Variants in PRR16 observed in about 807,000 individuals in gnomAD.
The protein encoded by PRR16 is protein Largen.
PRR16 carries 6 observed loss-of-function variants against 18.2 expected under a neutral mutation model. That is an observed-to-expected ratio of 0.33 (90% CI 0.18 to 0.65). The LOEUF (loss-of-function observed/expected upper bound fraction) is 0.65. Among genes scored for constraint, PRR16 ranks in the 30% least tolerant of loss-of-function variants. The pLI is 0.74. For missense variants in PRR16, 412 were observed against 376.6 expected (o/e 1.09, Z -0.78); for synonymous variants, 151 against 147.8 (o/e 1.02, Z -0.16).
chr5:120,704,281 G>A, the PRR16 span, among the ~76,000 whole-genome samples: 3 of 152,126 alleles, frequency 2.0e-5, no homozygotes, highest in Non-Finnish European at 2.9e-5. Flanking sequence ...AATGGGCAGC[G>A]ATGGATGGAG....
chr5:120,480,146 G>C (rs368248499), intron 1 of PRR16, among the ~76,000 whole-genome samples: 8 of 152,114 alleles, frequency 5.3e-5, no homozygotes, highest in African/African-American at 1.7e-4. Flanking sequence ...ACAGCAGTAC[G>C]AGCCTGTAAT....
intron 1 of PRR16, among the ~76,000 whole-genome samples, chr5:120,576,751 T>G (rs1753091494): frequency 6.6e-6 from 1 of 152,078 alleles, no homozygotes; most frequent in Non-Finnish European, 1.5e-5. Context: ...GCTTTCAGAC[T>G]GGAATTTACA....
At chr5:120,768,409 A>G in the PRR16 span, among the ~76,000 whole-genome samples, 23 of 151,360 alleles carry the variant, frequency 1.5e-4, no homozygotes, top group East Asian at 4.5e-3. Flanking sequence ...TTAAGCAATG[A>G]TTTTTTTACC....
intron 1 of PRR16, among the ~76,000 whole-genome samples, chr5:120,674,745 A>G (rs1335402098): frequency 1.3e-5 from 2 of 151,452 alleles, no homozygotes; most frequent in Non-Finnish European, 3.0e-5. Context: ...TGTTTCTGGA[A>G]CTCCTTAATC....
At chr5:120,771,390 A>G in the PRR16 span, among the ~76,000 whole-genome samples, 1 of 152,092 alleles carries the variant, frequency 6.6e-6, no homozygotes, top group Non-Finnish European at 1.5e-5. Flanking sequence ...GCCAGAGAAT[A>G]GCCTAAGAGA....
chr5:120,691,099 T>TTAA (rs780073781), downstream of PRR16, among the ~76,000 whole-genome samples: 1 of 152,152 alleles, frequency 6.6e-6, no homozygotes, highest in East Asian at 1.9e-4. Context: ...GTACACTTAT[T>TTAA]TAAAAATGTA....
chr5:120,465,579 C>CGG (rs1554075525), intron 1 of PRR16: 1 of 152,152 alleles, frequency 6.6e-6, no homozygotes, highest in Non-Finnish European at 1.5e-5. Context: ...GCGGCGGCTC[C>CGG]GGGCGGGGGC....
At chr5:120,771,660 G>C in the PRR16 span, among the ~76,000 whole-genome samples, 3 of 152,016 alleles carry the variant, frequency 2.0e-5, no homozygotes, top group Non-Finnish European at 4.4e-5. Flanking sequence ...TGGTGAATGA[G>C]GGAGGGGAAG....
At chr5:120,580,435 C>T (rs1259062593) in intron 1 of PRR16, among the ~76,000 whole-genome samples, 1 of 147,226 alleles carries the variant, frequency 6.8e-6, no homozygotes, top group Non-Finnish European at 1.5e-5. Flanking sequence ...GAGTTTTTAA[C>T]ATGAAGGGAT....
chr5:120,490,960 C>T (rs890491069), intron 1 of PRR16, among the ~76,000 whole-genome samples: 2 of 152,182 alleles, frequency 1.3e-5, no homozygotes, highest in Non-Finnish European at 2.9e-5. Flanking sequence ...GGAGGCTGCA[C>T]AACAGCGGAT....
intron 1 of PRR16, among the ~76,000 whole-genome samples, chr5:120,627,170 A>G (rs1331529882): frequency 6.6e-6 from 1 of 152,008 alleles, no homozygotes; most frequent in African/African-American, 2.4e-5. Context: ...CTCCCATTTC[A>G]CAGTTTAGAC....
chr5:120,637,503 T>C, intron 1 of PRR16, among the ~76,000 whole-genome samples: 1 of 152,016 alleles, frequency 6.6e-6, no homozygotes, highest in African/African-American at 2.4e-5. Flanking sequence ...GCACTCACAG[T>C]AACCTGAATG....
the PRR16 span, among the ~76,000 whole-genome samples, chr5:120,785,575 G>GTTTTTTTTTTTTTTTTTTTT: frequency 1.7e-5 from 2 of 115,412 alleles, no homozygotes; most frequent in South Asian, 2.9e-4. Context: ...TGTTGTTGTT[G>GTTTTTTTTTTTTTTTTTTTT]TTTTTTTTTT....
At chr5:120,660,887 T>G (rs886434065) in intron 1 of PRR16, among the ~76,000 whole-genome samples, 11 of 152,150 alleles carry the variant, frequency 7.2e-5, no homozygotes, top group African/African-American at 2.7e-4. Context: ...GATATGATCC[T>G]ATGGTGTCAA....
the PRR16 span, among the ~76,000 whole-genome samples, chr5:120,753,870 T>A: frequency 7.9e-6 from 1 of 126,658 alleles, no homozygotes; most frequent in African/African-American, 2.9e-5. Flanking sequence ...ATCTTATATA[T>A]TATATATTTA....
At chr5:120,485,696 C>A (rs1580629906) in intron 1 of PRR16, among the ~76,000 whole-genome samples, 1 of 151,916 alleles carries the variant, frequency 6.6e-6, no homozygotes, top group Non-Finnish European at 1.5e-5. Context: ...ATGTGCACAA[C>A]GTGCAGGTTA....
intron 1 of PRR16, among the ~76,000 whole-genome samples, chr5:120,600,733 T>C (rs958971686): frequency 2.0e-5 from 3 of 151,788 alleles, no homozygotes; most frequent in Non-Finnish European, 2.9e-5. Flanking sequence ...TCTTACCCTC[T>C]CTTTGCAAGT....
intron 1 of PRR16, among the ~76,000 whole-genome samples, chr5:120,563,584 C>A (rs1358618886): frequency 6.6e-6 from 1 of 152,166 alleles, no homozygotes; most frequent in East Asian, 1.9e-4. Context: ...CCTAAGGGAT[C>A]TTCATTCAGC....
At chr5:120,737,643 C>CTTTTTTTTTTTTTTTTTTT in the PRR16 span, among the ~76,000 whole-genome samples, 1 of 141,620 alleles carries the variant, frequency 7.1e-6, no homozygotes. Flanking sequence ...TTCTTTCTTT[C>CTTTTTTTTTTTTTTTTTTT]TTTTTTTTTT....
Sources: allele counts gnomAD v4.1 joint callset (sites outside exome capture counted in the v4.1 genomes callset), GRCh38; gene constraint gnomAD v4.1.1; transcripts MANE v1.5; gene names NCBI Gene and HGNC (gene_info 2026-07-23, HGNC 2026-07-21).